Variants in FBXL7 observed in about 807,000 individuals in gnomAD.
FBXL7 encodes the protein F-box/LRR-repeat protein 7.
In FBXL7, 12 loss-of-function variants were observed where a neutral mutation model predicts 38.3. The ratio of observed to expected loss-of-function variants is 0.31; its 90% CI spans 0.20 to 0.51. FBXL7 has a LOEUF of 0.51. FBXL7 is among the 20% of genes least tolerant of loss of function. FBXL7 has a pLI of 0.98. For synonymous variants in FBXL7, 297 were observed against 300.9 expected, an observed-to-expected ratio of 0.99 and a Z score of 0.13; for missense variants, 567 against 676.4, an observed-to-expected ratio of 0.84 and a Z score of 1.79.
intron 2 of FBXL7, among the ~76,000 whole-genome samples, chr5:15,679,187 C>T (rs1373398460): frequency 3.3e-5 from 5 of 152,278 alleles, no homozygotes; most frequent in Non-Finnish European, 5.9e-5. Context: ...CAGCTATCTA[C>T]GCCTCTGCTG....
At chr5:15,801,885 G>A (rs1737579166) in intron 2 of FBXL7, among the ~76,000 whole-genome samples, 1 of 151,986 alleles carries the variant, frequency 6.6e-6, no homozygotes, top group Non-Finnish European at 1.5e-5. Context: ...TACTGCATTT[G>A]ATGAACTTTT....
chr5:15,777,060 T>C (rs984249800), intron 2 of FBXL7, among the ~76,000 whole-genome samples: 2 of 152,116 alleles, frequency 1.3e-5, no homozygotes, highest in African/African-American at 4.8e-5. Context: ...TTGAAGATAA[T>C]TCATGTTAAA....
At chr5:15,587,295 G>T (rs1024339024) in intron 1 of FBXL7, among the ~76,000 whole-genome samples, 1 of 152,096 alleles carries the variant, frequency 6.6e-6, no homozygotes, top group Non-Finnish European at 1.5e-5. Context: ...GAATGGGCTT[G>T]CTTCTTCACT....
chr5:15,610,352 C>T (rs1228713421), intron 1 of FBXL7, among the ~76,000 whole-genome samples: 1 of 152,180 alleles, frequency 6.6e-6, no homozygotes, highest in Non-Finnish European at 1.5e-5. Flanking sequence ...CATGGGGTGG[C>T]TTCCTGTGCT....
intron 2 of FBXL7, among the ~76,000 whole-genome samples, chr5:15,837,610 C>G (rs1230188185): frequency 6.6e-6 from 1 of 152,168 alleles, no homozygotes; most frequent in Non-Finnish European, 1.5e-5. Flanking sequence ...CTAGATAGAG[C>G]TCATTTAGAC....
intron 2 of FBXL7, among the ~76,000 whole-genome samples, chr5:15,686,789 G>A (rs954982819): frequency 6.6e-6 from 1 of 152,084 alleles, no homozygotes; most frequent in Non-Finnish European, 1.5e-5. Flanking sequence ...TTTTTGGAAG[G>A]AAAATGTACC....
intron 2 of FBXL7, among the ~76,000 whole-genome samples, chr5:15,718,506 A>G (rs1311003151): frequency 6.6e-6 from 1 of 152,188 alleles, no homozygotes; most frequent in Non-Finnish European, 1.5e-5. Flanking sequence ...CTTCATCAAT[A>G]TTTGACCCTT....
At chr5:15,780,507 A>G (rs1339601499) in intron 2 of FBXL7, among the ~76,000 whole-genome samples, 1 of 152,128 alleles carries the variant, frequency 6.6e-6, no homozygotes, top group Admixed American at 6.6e-5. Context: ...TGACCCATAA[A>G]CCAATTTCAA....
intron 2 of FBXL7, among the ~76,000 whole-genome samples, chr5:15,709,387 A>T (rs971810780): frequency 6.6e-6 from 1 of 151,956 alleles, no homozygotes; most frequent in African/African-American, 2.4e-5. Flanking sequence ...TACAAAAATT[A>T]GCCGGGTGTG....
intron 2 of FBXL7, among the ~76,000 whole-genome samples, chr5:15,635,764 G>A (rs1263669761): frequency 1.3e-5 from 2 of 152,152 alleles, no homozygotes; most frequent in African/African-American, 2.4e-5. Context: ...GAGCCAACAC[G>A]GTACTTTGAG....
At position 15,936,183 on chromosome 5, in the gene FBXL7, G is replaced by A. The variant is rs1742177439; in HGVS notation, c.740-267G>A. On this transcript the variant is annotated intron_variant, in intron 3 of 3. Coordinates refer to ENST00000504595, the MANE Select transcript of FBXL7 (RefSeq NM_012304.5). This position sits in a 1 kb window ranked among gnomAD's most constrained non-coding sequence, Gnocchi z 6.0. ...GATTTGCTAAATGTCAGGCAAGTAG[G>A]GACAGATGACAGATCAGGAATTGGA... Among the ~76,000 whole-genome samples, 1 of 152,186 alleles carries A rather than the reference G, an allele frequency of 6.6e-6. No homozygotes were observed. Among genetic ancestry groups the A allele is most frequent in the African/African-American group, 2.4e-5 (1 of 41,436 alleles).
chr5:15,609,877 G>C (rs1740168121), intron 1 of FBXL7, among the ~76,000 whole-genome samples: 1 of 152,172 alleles, frequency 6.6e-6, no homozygotes, highest in South Asian at 2.1e-4. Flanking sequence ...CTCTGTATTA[G>C]TCTGTTTTTG....
chr5:15,792,814 T>C (rs1737311646), intron 2 of FBXL7, among the ~76,000 whole-genome samples: 1 of 152,184 alleles, frequency 6.6e-6, no homozygotes, highest in African/African-American at 2.4e-5. Flanking sequence ...CCTGCCACAG[T>C]AGCATAGACC....
chr5:15,757,852 G>A (rs188698410), intron 2 of FBXL7, among the ~76,000 whole-genome samples: 159 of 152,262 alleles, frequency 1.0e-3, no homozygotes, highest in Admixed American at 2.5e-3. Context: ...TCATGCCAAC[G>A]TCAAGCAGGC....
In FBXL7 at chr5:15,600,269, C is replaced by G. The variant is rs150266183; in HGVS notation, c.38-15714C>G. Among the ~76,000 whole-genome samples, 113 of 152,258 alleles carry G rather than the reference C, an allele frequency of 7.4e-4. 2 individuals carry two copies. Among genetic ancestry groups the G allele is most frequent in the African/African-American group, 2.6e-3 (108 of 41,554 alleles). On this transcript the variant is annotated intron_variant, in intron 1 of 3. Transcript: ENST00000504595. ...ATGCTGGTGGATTGGATTGTCAGAA[C>G]CACAGAAGGGAGGGGCACCGTCAGG...
intron 2 of FBXL7, among the ~76,000 whole-genome samples, chr5:15,886,713 T>C (rs992283179): frequency 6.6e-6 from 1 of 152,166 alleles, no homozygotes; most frequent in African/African-American, 2.4e-5. Context: ...GTACAAGCAG[T>C]GTACACGGAG....
At chr5:15,798,295 C>G (rs1737469159) in intron 2 of FBXL7, among the ~76,000 whole-genome samples, 1 of 152,156 alleles carries the variant, frequency 6.6e-6, no homozygotes, top group South Asian at 2.1e-4. Context: ...TCTCCTCTTC[C>G]CTTTGCTCAA....
At chr5:15,774,331 G>C (rs970154444) in intron 2 of FBXL7, among the ~76,000 whole-genome samples, 1 of 151,904 alleles carries the variant, frequency 6.6e-6, no homozygotes, top group Non-Finnish European at 1.5e-5. Flanking sequence ...CTCTTAACTT[G>C]ATCTACACGT....
chr5:15,758,091 G>A (rs1736345630), intron 2 of FBXL7, among the ~76,000 whole-genome samples: 1 of 152,046 alleles, frequency 6.6e-6, no homozygotes, highest in Admixed American at 6.6e-5. Flanking sequence ...AAAACATGAT[G>A]ACCACCAAGT....
Sources: allele counts gnomAD v4.1 joint callset (sites outside exome capture counted in the v4.1 genomes callset), GRCh38; gene constraint gnomAD v4.1.1; non-coding constraint Gnocchi (gnomAD v3.1); transcripts MANE v1.5; gene names NCBI Gene and HGNC (gene_info 2026-07-23, HGNC 2026-07-21).